Variants in FHIP1A observed in about 807,000 individuals in gnomAD.
The protein encoded by FHIP1A is FHF complex subunit HOOK-interacting protein 1A.
FHIP1A carries 61 observed loss-of-function variants against 88.6 expected under a neutral mutation model. The ratio of observed to expected loss-of-function variants is 0.69; its 90% confidence interval spans 0.56 to 0.85. FHIP1A has a LOEUF of 0.85. FHIP1A is among the 40% of genes least tolerant of loss of function. The pLI is 0.00. For synonymous variants in FHIP1A, 478 were observed against 496.0 expected (o/e 0.96, Z 0.48); for missense variants, 1,154 against 1,273.5 (o/e 0.91, Z 1.43).
At chr4:151,503,953 C>T (rs1730737895) in intron 3 of FHIP1A, among the ~76,000 whole-genome samples, 1 of 152,200 alleles carries the variant, frequency 6.6e-6, no homozygotes, top group South Asian at 2.1e-4. Context: ...ATAGGAATGT[C>T]CCCTGGGTGC....
chr4:151,658,460 G>A (rs1284492237), intron 13 of FHIP1A, among the ~76,000 whole-genome samples: 2 of 152,196 alleles, frequency 1.3e-5, no homozygotes, highest in African/African-American at 4.8e-5. Flanking sequence ...TGGAGGTGAT[G>A]GGGGTGTTTC....
chr4:151,629,637 G>A, intron 7 of FHIP1A, 65 bp from the exon 8 acceptor site: 14 of 1,448,530 alleles, frequency 9.7e-6, no homozygotes, highest in South Asian at 2.6e-5. Flanking sequence ...TGGGGGCCAC[G>A]GGAGAGGCGT....
chr4:151,468,799 C>T (rs182311410), intron 2 of FHIP1A, among the ~76,000 whole-genome samples: 2 of 149,776 alleles, frequency 1.3e-5, no homozygotes, highest in Admixed American at 6.7e-5. Context: ...ACCTTTCAGC[C>T]GCCTGTCTAC....
intron 6 of FHIP1A, among the ~76,000 whole-genome samples, chr4:151,587,856 C>T (rs1734277546): frequency 6.6e-6 from 1 of 151,848 alleles, no homozygotes. Context: ...ATATTGCAGT[C>T]TATCAACCTA....
intron 3 of FHIP1A, among the ~76,000 whole-genome samples, chr4:151,531,533 T>A (rs1330661626): frequency 6.6e-6 from 1 of 151,866 alleles, no homozygotes; most frequent in African/African-American, 2.4e-5. Context: ...TGAACCAGTC[T>A]GGCCGAATCT....
intron 7 of FHIP1A, among the ~76,000 whole-genome samples, chr4:151,589,437 T>TCG (rs397756085): frequency 1.3e-5 from 2 of 152,098 alleles, no homozygotes; most frequent in Non-Finnish European, 2.9e-5. Context: ...TTAGCACAAC[T>TCG]GAATTTCTTA....
chr4:151,441,608 C>T (rs1728415634), intron 1 of FHIP1A, among the ~76,000 whole-genome samples: 1 of 152,168 alleles, frequency 6.6e-6, no homozygotes, highest in Non-Finnish European at 1.5e-5. Context: ...TCTGCTCAAG[C>T]TCAAAATATT....
chr4:151,614,800 T>G (rs1419061043), intron 7 of FHIP1A, among the ~76,000 whole-genome samples: 2 of 152,238 alleles, frequency 1.3e-5, no homozygotes, highest in Non-Finnish European at 2.9e-5. Context: ...AGTGGCAGCT[T>G]AATGTATTGT....
chr4:151,533,723 C>G (rs537625782), intron 3 of FHIP1A, among the ~76,000 whole-genome samples: 106 of 152,288 alleles, frequency 7.0e-4, no homozygotes, highest in Non-Finnish European at 1.1e-3. Flanking sequence ...AGACAGGTAG[C>G]CTCCGGGAGT....
intron 8 of FHIP1A, among the ~76,000 whole-genome samples, chr4:151,638,069 C>T (rs1736421976): frequency 6.6e-6 from 1 of 152,098 alleles, no homozygotes; most frequent in African/African-American, 2.4e-5. Flanking sequence ...TTTTGGAAAT[C>T]AGTGATTGAT....
chr4:151,431,173 A>G (rs1733577169), intron 1 of FHIP1A, among the ~76,000 whole-genome samples: 1 of 152,094 alleles, frequency 6.6e-6, no homozygotes, highest in South Asian at 2.1e-4. Flanking sequence ...AAGGCCTTTC[A>G]GTGTTTGTGC....
At chr4:151,580,507 CAAG>C (rs1193245320) in intron 5 of FHIP1A, among the ~76,000 whole-genome samples, 1 of 152,064 alleles carries the variant, frequency 6.6e-6, no homozygotes, top group African/African-American at 2.4e-5. Context: ...GTGAAAAAAA[CAAG>C]AACTTTTGAG....
intron 3 of FHIP1A, among the ~76,000 whole-genome samples, chr4:151,565,431 A>C (rs1488903302): frequency 1.3e-5 from 2 of 152,102 alleles, no homozygotes; most frequent in African/African-American, 4.8e-5. Flanking sequence ...AATAAACACT[A>C]TCTTGTTTTT....
At position 151,649,788 on chromosome 4, in the gene FHIP1A, T is replaced by C; in HGVS notation, c.1747T>C (p.Tyr583His). The C allele has an allele frequency of 6.4e-7, 1 of 1,551,644 alleles. No homozygotes were observed. The highest frequency in any genetic ancestry group is 1.2e-5 in the South Asian group (1 of 84,062). Residue 583 changes from tyrosine (Y) to histidine (H), a missense_variant, in exon 11 of 14, where the codon TAT becomes CAT. Transcript: ENST00000435205. ...GACAGAGCTGGAATGGGATGACAGC[T>C]ATGACACTGGAATCTCCTCAGGGGC... is the stretch of plus-strand genomic sequence containing the variant. ...SQTELEWDDS[Y>H]DTGISSGADV...
At chr4:151,513,101 C>T (rs1731098387) in intron 3 of FHIP1A, among the ~76,000 whole-genome samples, 1 of 152,190 alleles carries the variant, frequency 6.6e-6, no homozygotes, top group African/African-American at 2.4e-5. Context: ...AACAGCGGAT[C>T]TCTCGGCAGA....
intron 7 of FHIP1A, among the ~76,000 whole-genome samples, chr4:151,616,985 T>C (rs1735560785): frequency 6.6e-6 from 1 of 152,086 alleles, no homozygotes; most frequent in African/African-American, 2.4e-5. Context: ...TGACCTCAAG[T>C]ACTCTGCCCG....
intron 11 of FHIP1A, among the ~76,000 whole-genome samples, chr4:151,651,112 G>A (rs1020897183): frequency 6.6e-6 from 1 of 152,162 alleles, no homozygotes; most frequent in African/African-American, 2.4e-5. Flanking sequence ...GGGGTTAGCT[G>A]TGCCTTTGCC....
intron 7 of FHIP1A, among the ~76,000 whole-genome samples, chr4:151,590,013 A>G (rs989760648): frequency 1.6e-4 from 25 of 152,304 alleles, no homozygotes; most frequent in Admixed American, 9.8e-4. Context: ...GTGAAATTAG[A>G]TCTCTGTTGG....
intron 3 of FHIP1A, among the ~76,000 whole-genome samples, chr4:151,501,539 T>C (rs1730647636): frequency 6.6e-6 from 1 of 152,022 alleles, no homozygotes; most frequent in Non-Finnish European, 1.5e-5. Flanking sequence ...TCATTTGTAT[T>C]TCTTTGATAA....
Sources: gnomAD v4.1 joint callset for allele counts (sites outside exome capture counted in the v4.1 genomes callset) on GRCh38, gnomAD v4.1.1 for gene constraint, MANE v1.5 for transcripts, NCBI Gene and HGNC (gene_info 2026-07-23, HGNC 2026-07-21) for gene names.